ABHD6: variants seen among roughly 807,000 people sequenced by gnomAD.
ABHD6 encodes the protein monoacylglycerol lipase ABHD6.
In ABHD6, 33 loss-of-function variants were observed where a neutral mutation model predicts 38.8. That is an observed-to-expected ratio of 0.85 (90% CI 0.64 to 1.14). The LOEUF is 1.14. Among genes scored for constraint, ABHD6 ranks in the 50% most tolerant of loss-of-function variants. The pLI is 0.00. For missense variants in ABHD6, 380 were observed against 422.6 expected (o/e 0.90, Z 0.88); for synonymous variants, 147 against 161.6 (o/e 0.91, Z 0.69).
chr3:58,242,829 G>A (rs1320040213), intron 1 of ABHD6, among the ~76,000 whole-genome samples: 2 of 152,060 alleles, frequency 1.3e-5, no homozygotes, highest in South Asian at 2.1e-4. Context: ...CCGTTAACTC[G>A]TCATTTACGT....
intron 6 of ABHD6, among the ~76,000 whole-genome samples, chr3:58,272,098 G>A (rs916353923): frequency 2.6e-5 from 4 of 152,002 alleles, no homozygotes; most frequent in East Asian, 1.9e-4. Flanking sequence ...CACCGCACCC[G>A]GCCTCTCTCT....
chr3:58,256,264 G>T lies in ABHD6; in HGVS notation c.-25-298G>T, dbSNP rs1324412106. 1.3e-5 allele frequency among the ~76,000 whole-genome samples: 2 copies of T among 151,984 alleles called. No individual in the cohort carries two copies. Among genetic ancestry groups the T allele is most frequent in the Non-Finnish European group, 2.9e-5 (2 of 68,022 alleles). ...AATTTCATCATCATACTCAAGAATTGTGTCACTGATACATTGACGTTGTCT... is the reference window on the plus strand; with the variant it reads ...AATTTCATCATCATACTCAAGAATTTTGTCACTGATACATTGACGTTGTCT... On this transcript the variant is annotated intron_variant, in intron 2 of 9. Coordinates refer to ENST00000478253, the MANE Select transcript of ABHD6 (RefSeq NM_001320126.2). This position sits in a 1 kb window ranked among gnomAD's most constrained non-coding sequence, Gnocchi z 4.3.
Position 58,285,867 on chromosome 3 carries a change from T to G in ABHD6, c.837+414T>G, listed in dbSNP as rs929496028. Among the ~76,000 whole-genome samples the G allele has an allele frequency of 6.6e-6, 1 of 152,184 alleles. No homozygotes were observed. The highest frequency in any genetic ancestry group is 1.5e-5 in the Non-Finnish European group (1 of 68,026). On this transcript the variant is annotated intron_variant, in intron 9 of 9. Transcript: ENST00000478253. This position sits in a 1 kb window ranked among gnomAD's most constrained non-coding sequence, Gnocchi z 4.9. ...TCTTTTTTTCGTTTGAGACGGAGTCTTGCTCTGTCACCCAGGCTGGAGTGC... is the reference window on the plus strand; with the variant it reads ...TCTTTTTTTCGTTTGAGACGGAGTCGTGCTCTGTCACCCAGGCTGGAGTGC...
chr3:58,284,457 T>C (rs1472731259), intron 7 of ABHD6, among the ~76,000 whole-genome samples: 2 of 144,008 alleles, frequency 1.4e-5, no homozygotes, highest in Non-Finnish European at 3.1e-5. Context: ...TCATTATGTC[T>C]TTTTTTTTTT....
chr3:58,286,200 T>C (rs1038017903), intron 9 of ABHD6, among the ~76,000 whole-genome samples: 3 of 152,144 alleles, frequency 2.0e-5, no homozygotes, highest in Admixed American at 2.0e-4. Flanking sequence ...TTTGTATTTT[T>C]AGTAGAGACG....
chr3:58,278,950 A>C (rs991443134), intron 7 of ABHD6, among the ~76,000 whole-genome samples: 1 of 152,212 alleles, frequency 6.6e-6, no homozygotes, highest in Admixed American at 6.5e-5. Flanking sequence ...ATTTGATCGC[A>C]CTGTGGTCTG....
In ABHD6 at chr3:58,266,406, C is replaced by T. The variant is rs951970997; in HGVS notation, c.120-783C>T. ...TTGCAGTGAGCGGAAATTGCCCCAG[C>T]GTGGGTGACAGAGCGAGACTGTATC... On this transcript the variant is annotated intron_variant, in intron 3 of 9. Transcript: ENST00000478253. The surrounding 1 kb of genome is among the most constrained non-coding windows in gnomAD (Gnocchi z 4.0). Among the ~76,000 whole-genome samples the T allele has an allele frequency of 6.7e-5, 10 of 149,376 alleles. No individual in the cohort carries two copies. The highest frequency in any genetic ancestry group is 4.7e-4 in the Admixed American group (7 of 14,848).
chr3:58,283,976 C>A (rs1349128596), intron 7 of ABHD6, among the ~76,000 whole-genome samples: 1 of 152,172 alleles, frequency 6.6e-6, no homozygotes, highest in Non-Finnish European at 1.5e-5. Flanking sequence ...CCATAGCAGC[C>A]ATGGCTGGTT....
chr3:58,256,516 C>A lies in ABHD6; in HGVS notation c.-25-46C>A. The A allele has an allele frequency of 8.5e-7, 1 of 1,177,632 alleles. No homozygotes were observed. The allele number at this position is 1,177,632 out of a possible 1,614,324, so 72.9% of individuals were successfully genotyped here. A position where few individuals can be genotyped will look rare whatever the true frequency, so the allele number is the denominator to read the frequency against. ...CCCCTTTACTTCTTCGCCTTTTTTC[C>A]TTTGATACAGAGTTTTAATATCGTC... is the stretch of plus-strand genomic sequence containing the variant. On this transcript the variant is annotated intron_variant, in intron 2 of 9. Transcript: ENST00000478253. This position sits in a 1 kb window ranked among gnomAD's most constrained non-coding sequence, Gnocchi z 4.3.
intron 3 of ABHD6, among the ~76,000 whole-genome samples, chr3:58,260,526 T>C (rs997470123): frequency 6.6e-6 from 1 of 152,196 alleles, no homozygotes; most frequent in African/African-American, 2.4e-5. Context: ...GACTGCTTCC[T>C]CCAAATAGCC....
intron 1 of ABHD6, among the ~76,000 whole-genome samples, chr3:58,247,695 C>A (rs900846434): frequency 2.0e-5 from 3 of 152,108 alleles, no homozygotes; most frequent in Non-Finnish European, 4.4e-5. Context: ...GTGCCTCAGC[C>A]TCCTGAGTTG....
chr3:58,247,159 C>T (rs7641499), intron 1 of ABHD6, among the ~76,000 whole-genome samples: 4 of 151,584 alleles, frequency 2.6e-5, no homozygotes, highest in African/African-American at 7.3e-5. Context: ...TGCACCACCA[C>T]GCCTGGCTAA....
At chr3:58,252,025 A>G (rs1347322573) in intron 2 of ABHD6, among the ~76,000 whole-genome samples, 1 of 152,122 alleles carries the variant, frequency 6.6e-6, no homozygotes, top group East Asian at 1.9e-4. Flanking sequence ...TGTTCTCATT[A>G]AATAGATGAA....
intron 3 of ABHD6, among the ~76,000 whole-genome samples, chr3:58,264,523 C>T (rs1362956198): frequency 2.0e-5 from 3 of 151,620 alleles, no homozygotes; most frequent in African/African-American, 7.3e-5. Context: ...GACCCAGTCT[C>T]TACCTAAAAA....
chr3:58,254,315 G>C (rs1024067718), intron 2 of ABHD6, among the ~76,000 whole-genome samples: 3 of 152,106 alleles, frequency 2.0e-5, no homozygotes, highest in African/African-American at 7.2e-5. Context: ...GTCAAATTTG[G>C]CCTACAGCCT....
intron 1 of ABHD6, among the ~76,000 whole-genome samples, chr3:58,241,207 G>C (rs1329934641): frequency 3.9e-5 from 6 of 152,152 alleles, no homozygotes; most frequent in South Asian, 2.1e-4. Flanking sequence ...AACTGAAACT[G>C]GATATGATTT....
At chr3:58,283,552 G>T (rs547023856) in intron 7 of ABHD6, among the ~76,000 whole-genome samples, 13 of 152,324 alleles carry the variant, frequency 8.5e-5, no homozygotes, top group African/African-American at 2.9e-4. Context: ...CCTGGATAAT[G>T]CAGGGATGGA....
intron 5 of ABHD6, among the ~76,000 whole-genome samples, 157 bp from the exon 6 acceptor site, chr3:58,270,774 AG>A (rs2097444274): frequency 6.6e-6 from 1 of 152,232 alleles, no homozygotes; most frequent in African/African-American, 2.4e-5. Flanking sequence ...TGCATGCCAC[AG>A]GGCTCATCTT....
chr3:58,286,553 C>T (rs1168272699), intron 9 of ABHD6, among the ~76,000 whole-genome samples: 1 of 151,974 alleles, frequency 6.6e-6, no homozygotes, highest in Admixed American at 6.6e-5. Context: ...CACCTGGACA[C>T]AGTTGAGTAA....
Sources: gnomAD v4.1 joint callset for allele counts (sites outside exome capture counted in the v4.1 genomes callset) on GRCh38, gnomAD v4.1.1 for gene constraint, Gnocchi (gnomAD v3.1) non-coding constraint, MANE v1.5 for transcripts, NCBI Gene and HGNC (gene_info 2026-07-23, HGNC 2026-07-21) for gene names.